S1PR3: variants seen among roughly 807,000 people sequenced by gnomAD.
S1PR3 encodes the protein sphingosine 1-phosphate receptor 3.
In S1PR3, 12 loss-of-function variants were observed where a neutral mutation model predicts 13.3. The ratio of observed to expected loss-of-function variants is 0.90; its 90% CI spans 0.58 to 1.46. S1PR3 has a LOEUF of 1.46. S1PR3 is among the 40% of genes most tolerant of loss of function. The pLI is 0.00. For synonymous variants in S1PR3, 232 were observed against 214.0 expected (o/e 1.08, Z -0.73); for missense variants, 450 against 501.9 (o/e 0.90, Z 0.99).
rs1587668070 is a variant in S1PR3, at chr9:89,002,535, T to A, written c.*198T>A. 1.5e-6 allele frequency: 1 copy of A among 657,278 alleles called. No homozygotes were observed. The highest frequency in any genetic ancestry group is 2.8e-5 in the East Asian group (1 of 36,134). 40.7% of individuals were successfully genotyped at this position (657,278 alleles called of 1,614,324 possible). A position where few individuals can be genotyped will look rare whatever the true frequency, so the allele number is the denominator to read the frequency against. On this transcript the variant is annotated 3_prime_UTR_variant, in exon 2 of 2. Transcript: ENST00000358157. The stretch of plus-strand genomic sequence containing the variant: ...TGTAAACAACGTGCCTTGTCCACTT[T>A]GGGCTCCAGAGTCTTTCAGATGTAC...
intron 1 of S1PR3, chr9:88,992,010 C>A: frequency 6.2e-7 from 1 of 1,614,034 alleles, no homozygotes; most frequent in South Asian, 1.1e-5. Flanking sequence ...TCCACAGTGC[C>A]AGGGCCTGGG....
rs551770381 is a variant in S1PR3 at position 88,991,744 on chromosome 9, G to T, written c.-148+49G>T. Reference sequence around the variant, plus strand: ...CGCGGAACCAGGGTGGGGGGCTGGGGGCCGAAGGACCCACCTTTCCAACAA... The same window carrying T: ...CGCGGAACCAGGGTGGGGGGCTGGGTGCCGAAGGACCCACCTTTCCAACAA... On this transcript the variant is annotated intron_variant, in intron 1 of 1. Coordinates refer to ENST00000358157, the MANE Select transcript of S1PR3 (RefSeq NM_005226.4). The surrounding 1 kb of genome is among the most constrained non-coding windows in gnomAD (Gnocchi z 4.0). The T allele has an allele frequency of 1.3e-6, 2 of 1,548,430 alleles. No homozygotes were observed. Among genetic ancestry groups the T allele is most frequent in the African/African-American group, 1.4e-5 (1 of 73,000 alleles).
At position 89,001,436 on chromosome 9, in the gene S1PR3, G is replaced by A. The variant is rs144659554; in HGVS notation, c.236G>A (p.Gly79Asp). ...CACAACCGCATGTACTTTTTCATTG[G>A]CAACCTGGCTCTCTGCGACCTGCTG... ...KFHNRMYFFI[G>D]NLALCDLLAG... is the part of the protein sequence containing the mutation. Residue 79 changes from glycine (G) to aspartate (D), a missense_variant, in exon 2 of 2, where the codon GGC (glycine) becomes GAC (aspartate). Physicochemically the swap from Gly to Asp is moderately conservative, Grantham distance 94. Transcript: ENST00000358157. 12 of 1,614,136 alleles carry A rather than the reference G, an allele frequency of 7.4e-6. No individual in the cohort carries two copies. The East Asian group carries it at 2.7e-4, about 36-fold the overall frequency.
intron 1 of S1PR3, among the ~76,000 whole-genome samples, chr9:88,996,302 G>A (rs1023635781): frequency 3.3e-5 from 5 of 152,080 alleles, no homozygotes; most frequent in South Asian, 2.1e-4. Flanking sequence ...ATCGACCTGC[G>A]AAAACATGGA....
chr9:88,991,545 C>T lies in S1PR3; in HGVS notation c.-298C>T. The T allele has an allele frequency of 6.5e-7, 1 of 1,546,824 alleles. No individual in the cohort carries two copies. The highest frequency in any genetic ancestry group is 8.7e-7 in the Non-Finnish European group (1 of 1,145,736). On this transcript the variant is annotated 5_prime_UTR_variant, in exon 1 of 2. Transcript: ENST00000358157. This position sits in a 1 kb window ranked among gnomAD's most constrained non-coding sequence, Gnocchi z 4.0. ...AAGGCGGCTGCAGGACGCGACCGAG[C>T]AGGACCCCAGGCCCGGGAACGACGT...
chr9:89,002,102 C>A lies in S1PR3; in HGVS notation c.902C>A (p.Ala301Asp), dbSNP rs769575367. ...SAMNPVIYTL[A>D]SKEMRRAFFR... is the part of the protein sequence containing the mutation. ...ATGAACCCGGTCATCTACACGCTGG[C>A]CAGCAAGGAGATGCGGCGGGCCTTC... Residue 301 changes from alanine (A) to aspartate (D), a missense_variant, in exon 2 of 2, where the codon GCC becomes GAC. Physicochemically the swap from Ala to Asp is moderately radical, Grantham distance 126. Coordinates refer to ENST00000358157, the MANE Select transcript of S1PR3 (RefSeq NM_005226.4). The A allele has an allele frequency of 1.9e-6, 3 of 1,614,008 alleles. No individual in the cohort carries two copies. The South Asian group carries it at 3.3e-5, about 18-fold the overall frequency.
intron 1 of S1PR3, chr9:88,992,265 A>G (rs1014592562): frequency 3.9e-6 from 2 of 515,252 alleles, no homozygotes. Flanking sequence ...GAGTCTCCCA[A>G]TAGTCAGTCT....
chr9:88,991,653 C>A lies in S1PR3; in HGVS notation c.-190C>A, dbSNP rs1825709877. The A allele has an allele frequency of 2.6e-6, 4 of 1,519,112 alleles. No individual in the cohort carries two copies. Among genetic ancestry groups the A allele is most frequent in the Non-Finnish European group, 3.5e-6 (4 of 1,135,398 alleles). The allele number at this position is 1,519,112 out of a possible 1,614,324, so 94.1% of individuals were successfully genotyped here. On this transcript the variant is annotated 5_prime_UTR_variant, in exon 1 of 2. Transcript: ENST00000358157. This position sits in a 1 kb window ranked among gnomAD's most constrained non-coding sequence, Gnocchi z 4.0. The stretch of plus-strand genomic sequence containing the variant: ...GGCGCCCCGGCACCGCCGCGCGCCA[C>A]CCGCTAGGATGCCGGTGGCCCCAGC...
chr9:89,002,469 C>A lies in S1PR3; in HGVS notation c.*132C>A, dbSNP rs1266992311. 1.8e-6 allele frequency: 2 copies of A among 1,120,556 alleles called. No homozygotes were observed. Among genetic ancestry groups the A allele is most frequent in the African/African-American group, 3.2e-5 (2 of 63,206 alleles). The allele number at this position is 1,120,556 out of a possible 1,614,324, so 69.4% of individuals were successfully genotyped here. On this transcript the variant is annotated 3_prime_UTR_variant, in exon 2 of 2. Transcript: ENST00000358157. ...CCAACAGCCTGCCCAGTGTGGATGT[C>A]TCTTACAGAGGGGGCCCAAGGAATC...
In S1PR3 at chr9:88,991,855, C is replaced by T. The variant is rs551086120; in HGVS notation, c.-148+160C>T. On this transcript the variant is annotated intron_variant, in intron 1 of 1. Coordinates refer to ENST00000358157, the MANE Select transcript of S1PR3 (RefSeq NM_005226.4). This position sits in a 1 kb window ranked among gnomAD's most constrained non-coding sequence, Gnocchi z 4.0. ...CACATCAGCACCCCTCCCCCAGAGC[C>T]GCTGCAGGAACAGGGAGGAGGCCTT... 1.3e-5 allele frequency: 21 copies of T among 1,613,890 alleles called. No homozygotes were observed. The highest frequency in any genetic ancestry group is 1.7e-5 in the Admixed American group (1 of 60,000).
chr9:89,002,912 C>T lies in S1PR3; in HGVS notation c.*575C>T, dbSNP rs112665509. ...ACATGCCATCCCTGGTCTCCTTAGA[C>T]TGACATGATTCTCATGTTAACCAAG... On this transcript the variant is annotated 3_prime_UTR_variant, in exon 2 of 2. Coordinates refer to ENST00000358157, the MANE Select transcript of S1PR3 (RefSeq NM_005226.4). 7.2e-4 allele frequency: 124 copies of T among 171,370 alleles called. No homozygotes were observed. Among genetic ancestry groups the T allele is most frequent in the African/African-American group, 2.7e-3 (114 of 41,608 alleles). 10.6% of individuals were successfully genotyped at this position (171,370 alleles called of 1,614,324 possible). A position where few individuals can be genotyped will look rare whatever the true frequency, so the allele number is the denominator to read the frequency against.
chr9:88,990,992 A>C, upstream of S1PR3: 1 of 1,613,016 alleles, frequency 6.2e-7, no homozygotes, highest in Non-Finnish European at 8.5e-7. Flanking sequence ...CAGTTACAAA[A>C]GAAATGGTCA....
chr9:88,991,033 T>C, upstream of S1PR3: 1 of 1,613,372 alleles, frequency 6.2e-7, no homozygotes, highest in Non-Finnish European at 8.5e-7. This position sits in a 1 kb window ranked among gnomAD's most constrained non-coding sequence, Gnocchi z 4.0. Flanking sequence ...ATAGTATTAA[T>C]CCTCCTATTA....
rs896760135 is a variant in S1PR3 at position 89,004,606 on chromosome 9, A to G, written c.*2269A>G. 3 of 167,052 alleles carry G rather than the reference A, an allele frequency of 1.8e-5. No homozygotes were observed. The highest frequency in any genetic ancestry group is 7.2e-5 in the African/African-American group (3 of 41,428). 10.3% of individuals were successfully genotyped at this position (167,052 alleles called of 1,614,324 possible). A position where few individuals can be genotyped will look rare whatever the true frequency, so the allele number is the denominator to read the frequency against. On this transcript the variant is annotated 3_prime_UTR_variant, in exon 2 of 2. Coordinates refer to ENST00000358157, the MANE Select transcript of S1PR3 (RefSeq NM_005226.4). ...ACCCTGATGTCCGCAGTATCTAAGT[A>G]TCTCAGCCTTCATCCATTAACTCTA...
At chr9:88,992,879 C>T (rs560419336) in intron 1 of S1PR3, 15 of 152,534 alleles carry the variant, frequency 9.8e-5, no homozygotes, top group African/African-American at 3.6e-4. Context: ...GGTTGAATAA[C>T]TTTGTTGCCA....
At chr9:88,996,341 T>G (rs1825803609) in intron 1 of S1PR3, among the ~76,000 whole-genome samples, 1 of 151,990 alleles carries the variant, frequency 6.6e-6, no homozygotes, top group Non-Finnish European at 1.5e-5. Context: ...ACATCCTCAA[T>G]CAATCCCAGC....
chr9:88,996,547 G>T (rs1302694753), intron 1 of S1PR3: 3 of 152,218 alleles, frequency 2.0e-5, no homozygotes, highest in Admixed American at 6.5e-5. Context: ...TATCCTGTAG[G>T]GTTTCATTCA....
At position 89,003,873 on chromosome 9, in the gene S1PR3, C is replaced by G. The variant is rs1338609772; in HGVS notation, c.*1536C>G. The G allele has an allele frequency of 6.0e-6, 1 of 166,852 alleles. No homozygotes were observed. Among genetic ancestry groups the G allele is most frequent in the South Asian group, 2.1e-4 (1 of 4,828 alleles). The allele number at this position is 166,852 out of a possible 1,614,324, so 10.3% of individuals were successfully genotyped here. ...GTTTTGTCATCTGATGCAATTTGCT[C>G]TTATAAAGAGACATTTTCATAGGTT... On this transcript the variant is annotated 3_prime_UTR_variant, in exon 2 of 2. Transcript: ENST00000358157.
chr9:88,991,362 G>C (rs545010283), upstream of S1PR3: 32,597 of 1,200,274 alleles, frequency 0.027, 686 homozygotes, highest in Middle Eastern at 0.073. This position sits in a 1 kb window ranked among gnomAD's most constrained non-coding sequence, Gnocchi z 4.0. Context: ...ACGGGGAGAG[G>C]GGGGCGGGGA....
Sources: allele counts gnomAD v4.1 joint callset (sites outside exome capture counted in the v4.1 genomes callset), GRCh38; gene constraint gnomAD v4.1.1; non-coding constraint Gnocchi (gnomAD v3.1); transcripts MANE v1.5; gene names NCBI Gene and HGNC (gene_info 2026-07-23, HGNC 2026-07-21).